The following TPRG1 variants were observed in gnomAD, a reference collection of about 807,000 sequenced individuals.
The protein encoded by TPRG1 is tumor protein p63-regulated gene 1 protein.
TPRG1 carries 29 observed loss-of-function variants against 29.3 expected under a neutral mutation model. The observed-to-expected ratio is 0.99, with a 90% CI of 0.74 to 1.35. The LOEUF (loss-of-function observed/expected upper bound fraction) is 1.35. TPRG1 is among the 40% of genes most tolerant of loss of function. The pLI is 0.00. For missense variants in TPRG1, 327 were observed against 335.0 expected, an observed-to-expected ratio of 0.98 and a Z score of 0.19; for synonymous variants, 130 against 116.8, an observed-to-expected ratio of 1.11 and a Z score of -0.73.
At chr3:189,088,343 A>C (rs978937969) in intron 4 of TPRG1, among the ~76,000 whole-genome samples, 1 of 152,156 alleles carries the variant, frequency 6.6e-6, no homozygotes, top group Non-Finnish European at 1.5e-5. Context: ...TGATTTTTGC[A>C]CATTGATTTT....
At chr3:189,228,005 C>A (rs1738031378) in intron 3 of TPRG1, among the ~76,000 whole-genome samples, 1 of 152,100 alleles carries the variant, frequency 6.6e-6, no homozygotes, top group African/African-American at 2.4e-5. Context: ...CCTGTAGTCC[C>A]AGCTACTCGG....
intron 1 of TPRG1, among the ~76,000 whole-genome samples, chr3:189,184,105 G>T (rs545903103): frequency 6.6e-6 from 1 of 152,286 alleles, no homozygotes; most frequent in East Asian, 1.9e-4. Context: ...GCTTTAGCCA[G>T]TCCCTCTGTT....
At chr3:189,096,386 C>T (rs1432510437), upstream of TPRG1, among the ~76,000 whole-genome samples, 1 of 152,232 alleles carries the variant, frequency 6.6e-6, no homozygotes, top group Non-Finnish European at 1.5e-5. Context: ...AGCACTTCAT[C>T]TCTCCTCTGC....
chr3:189,224,363 C>T (rs1037852630), intron 3 of TPRG1, among the ~76,000 whole-genome samples: 1 of 152,124 alleles, frequency 6.6e-6, no homozygotes, highest in Non-Finnish European at 1.5e-5. Context: ...GCCTGTAGTC[C>T]CAGCTACTCA....
intron 4 of TPRG1, among the ~76,000 whole-genome samples, chr3:189,300,756 A>G (rs1720698674): frequency 6.6e-6 from 1 of 152,126 alleles, no homozygotes; most frequent in South Asian, 2.1e-4. Flanking sequence ...GGAGTAGGCA[A>G]CTTCTGCCAG....
chr3:189,184,357 G>A (rs191011677), intron 1 of TPRG1, among the ~76,000 whole-genome samples: 49 of 152,250 alleles, frequency 3.2e-4, no homozygotes, highest in African/African-American at 1.0e-3. Flanking sequence ...GTCAATATTG[G>A]TATCCTTTTA....
chr3:189,172,737 G>A (rs1728976567), intron 1 of TPRG1, among the ~76,000 whole-genome samples: 1 of 152,174 alleles, frequency 6.6e-6, no homozygotes, highest in African/African-American at 2.4e-5. Context: ...ACAAACGAGG[G>A]CATGTATGTA....
chr3:189,097,980 C>A (rs755620966), upstream of TPRG1, among the ~76,000 whole-genome samples: 2 of 152,002 alleles, frequency 1.3e-5, no homozygotes, highest in Non-Finnish European at 2.9e-5. Context: ...AGATCTATAC[C>A]GAAGATTTAA....
intron 5 of TPRG1, among the ~76,000 whole-genome samples, chr3:189,312,174 TTTCTTTCTTTTTTTC>T (rs1722742479): frequency 0.032 from 2,291 of 71,380 alleles, 28 homozygotes; most frequent in South Asian, 0.1. Flanking sequence ...TCTTTCTTTC[TTTCTTTCTTTTTTTC>T]TTTCTTTCTT....
chr3:189,269,056 T>C (rs1217323173), intron 4 of TPRG1, among the ~76,000 whole-genome samples: 1 of 152,110 alleles, frequency 6.6e-6, no homozygotes, highest in Admixed American at 6.5e-5. Context: ...TTGGGCATCA[T>C]CTGTCTTTAG....
At chr3:189,049,730 C>A (rs1235783415) in intron 4 of TPRG1, among the ~76,000 whole-genome samples, 1 of 152,148 alleles carries the variant, frequency 6.6e-6, no homozygotes, top group Non-Finnish European at 1.5e-5. Flanking sequence ...AGCTAAGGAC[C>A]TTTAGGGAGT....
intron 3 of TPRG1, among the ~76,000 whole-genome samples, chr3:189,007,146 A>G (rs1418047083): frequency 6.6e-6 from 1 of 152,086 alleles, no homozygotes; most frequent in Non-Finnish European, 1.5e-5. Context: ...CAACCTACTC[A>G]TCTGACAAAG....
intron 3 of TPRG1, among the ~76,000 whole-genome samples, chr3:189,146,573 A>C (rs1467206859): frequency 6.6e-6 from 1 of 152,184 alleles, no homozygotes; most frequent in African/African-American, 2.4e-5. Flanking sequence ...TGTATCTTGT[A>C]CATACCCATG....
At chr3:189,179,375 C>T (rs756792965) in intron 1 of TPRG1, among the ~76,000 whole-genome samples, 3 of 152,164 alleles carry the variant, frequency 2.0e-5, no homozygotes, top group Non-Finnish European at 4.4e-5. Context: ...CTGAGATCAC[C>T]AAAAGGTAAC....
upstream of TPRG1, among the ~76,000 whole-genome samples, chr3:189,099,783 G>A (rs1477751131): frequency 6.6e-6 from 1 of 152,146 alleles, no homozygotes; most frequent in Non-Finnish European, 1.5e-5. Flanking sequence ...CCGGGAAAAC[G>A]ATACTGTCCC....
intron 4 of TPRG1, among the ~76,000 whole-genome samples, chr3:189,078,008 TTTCCTTCC>T (rs773510018): frequency 0.018 from 1,735 of 98,858 alleles, 52 homozygotes; most frequent in Admixed American, 0.028. Context: ...CTAAAAACCT[TTTCCTTCC>T]TTCCTTCCTT....
At chr3:189,159,840 A>ATG (rs57781182) in intron 5 of TPRG1, among the ~76,000 whole-genome samples, 7,788 of 138,484 alleles carry the variant, frequency 0.056, 219 homozygotes, top group African/African-American at 0.075. Context: ...GTGTTTGTGT[A>ATG]TGTGTGTGTG....
intron 4 of TPRG1, among the ~76,000 whole-genome samples, chr3:189,271,887 A>G (rs1216200118): frequency 6.6e-6 from 1 of 152,192 alleles, no homozygotes; most frequent in Non-Finnish European, 1.5e-5. Context: ...TCTAAGTCCG[A>G]TCTCATCTGT....
chr3:189,013,800 C>T (rs760337563), intron 3 of TPRG1, among the ~76,000 whole-genome samples: 2 of 151,858 alleles, frequency 1.3e-5, no homozygotes, highest in African/African-American at 2.4e-5. Context: ...CTTTTTTTGA[C>T]TTTTGTTGAT....
Sources: gnomAD v4.1 joint callset for allele counts (sites outside exome capture counted in the v4.1 genomes callset) on GRCh38, gnomAD v4.1.1 for gene constraint, MANE v1.5 for transcripts, NCBI Gene and HGNC (gene_info 2026-07-23, HGNC 2026-07-21) for gene names.